Variants in GRIK1 observed in about 807,000 individuals in gnomAD.
GRIK1 encodes the protein glutamate receptor ionotropic, kainate 1.
In GRIK1, 69 loss-of-function variants were observed where a neutral mutation model predicts 105.7. The ratio of observed to expected loss-of-function variants is 0.65; its 90% confidence interval spans 0.54 to 0.80. The LOEUF (loss-of-function observed/expected upper bound fraction) is 0.80, where lower values mean the gene tolerates loss of function less well. GRIK1 is among the 30% of genes least tolerant of loss of function. GRIK1 has a pLI of 0.00. For synonymous variants in GRIK1, 438 were observed against 431.3 expected, an observed-to-expected ratio of 1.02 and a Z score of -0.19; for missense variants, 1,109 against 1,167.3, an observed-to-expected ratio of 0.95 and a Z score of 0.73.
chr21:29,591,051 G>C, intron 10 of GRIK1, 61 bp downstream of exon 10: 1 of 892,358 alleles, frequency 1.1e-6, no homozygotes, highest in South Asian at 1.3e-5. Context: ...GTTGAGGAAT[G>C]CTTCGAAGTC....
intron 3 of GRIK1, among the ~76,000 whole-genome samples, chr21:29,686,045 C>G (rs1178884284): frequency 6.6e-6 from 1 of 152,188 alleles, no homozygotes; most frequent in Admixed American, 6.5e-5. Flanking sequence ...GGCTTTCCCC[C>G]TCAGCCTATT....
chr21:29,617,242 G>T (rs768445252), intron 7 of GRIK1, among the ~76,000 whole-genome samples: 1 of 152,212 alleles, frequency 6.6e-6, no homozygotes, highest in Non-Finnish European at 1.5e-5. Context: ...GCCTTTTGGT[G>T]CAGAGAATGC....
Position 29,596,105 on chromosome 21 carries a change from T to C in GRIK1, c.1251+421A>G, listed in dbSNP as rs113081225. ...GACATTACAGGAGGTGTCCTAGCCT[T>C]CTGAGGCTGTAGCCTATCTGACTAG... is the stretch of plus-strand genomic sequence containing the variant. On this transcript the variant is annotated intron_variant, in intron 9 of 17. Coordinates refer to ENST00000327783, the MANE Select transcript of GRIK1 (RefSeq NM_001330994.2). 1.8e-3 allele frequency: 562 copies of C among 315,230 alleles called. 5 individuals carry two copies. The highest frequency in any genetic ancestry group is 0.011 in the African/African-American group (517 of 46,020). 19.5% of individuals were successfully genotyped at this position (315,230 alleles called of 1,614,324 possible).
chr21:29,742,507 A>T (rs1054998900), intron 1 of GRIK1, among the ~76,000 whole-genome samples: 2 of 152,216 alleles, frequency 1.3e-5, no homozygotes, highest in Non-Finnish European at 2.9e-5. Context: ...CTCCGTCTGA[A>T]CTCACGGAAC....
Position 29,654,832 on chromosome 21 carries a change from TA to T in GRIK1, c.757del (p.Tyr253IlefsTer23), listed in dbSNP as rs1272994275. On this transcript the variant is annotated frameshift_variant, in exon 5 of 18. Coordinates refer to ENST00000327783, the MANE Select transcript of GRIK1 (RefSeq NM_001330994.2). LOFTEE classifies it high-confidence loss of function. ...ILFMGMMTEY[Y>X]HYFFTTLDLF... Reference sequence around the variant, plus strand: ...TACCAGGGTTGTGAAAAAGTAGTGATAGTACTCGGTCATCATGCCCATGAAC... The same window carrying T: ...TACCAGGGTTGTGAAAAAGTAGTGATGTACTCGGTCATCATGCCCATGAAC... The T allele has an allele frequency of 8.2e-6, 13 of 1,585,836 alleles. No homozygotes were observed. Among genetic ancestry groups the T allele is most frequent in the Non-Finnish European group, 1.1e-5 (13 of 1,154,206 alleles).
At chr21:29,897,675 G>A (rs561816936) in intron 1 of GRIK1, among the ~76,000 whole-genome samples, 30 of 152,316 alleles carry the variant, frequency 2.0e-4, no homozygotes, top group African/African-American at 6.5e-4. Context: ...GAATTAATGT[G>A]ACATCTTAAA....
intron 1 of GRIK1, among the ~76,000 whole-genome samples, chr21:29,921,868 C>G (rs1406139329): frequency 6.6e-6 from 1 of 152,130 alleles, no homozygotes; most frequent in Non-Finnish European, 1.5e-5. Context: ...TGACAATACA[C>G]TTCTTGCATT....
chr21:29,883,452 A>C (rs1037619792), intron 1 of GRIK1, among the ~76,000 whole-genome samples: 1 of 152,112 alleles, frequency 6.6e-6, no homozygotes, highest in Non-Finnish European at 1.5e-5. Context: ...TTCAGGAAAG[A>C]AAGTCATAAC....
intron 4 of GRIK1, among the ~76,000 whole-genome samples, chr21:29,671,023 T>C (rs1379112684): frequency 6.6e-6 from 1 of 152,234 alleles, no homozygotes; most frequent in Non-Finnish European, 1.5e-5. Context: ...TGTATGACTC[T>C]GGCAATATCA....
chr21:29,783,290 C>A (rs1406955885), intron 1 of GRIK1, among the ~76,000 whole-genome samples: 2 of 152,026 alleles, frequency 1.3e-5, no homozygotes, highest in Admixed American at 6.5e-5. Context: ...AAAAATAGTA[C>A]CATTGATGTG....
chr21:29,931,645 T>A (rs1167820953), intron 1 of GRIK1, among the ~76,000 whole-genome samples: 1 of 152,174 alleles, frequency 6.6e-6, no homozygotes, highest in Non-Finnish European at 1.5e-5. Context: ...AATCATCTTA[T>A]GTATCTCCCT....
rs59241719 is a variant in GRIK1 at position 29,888,197 on chromosome 21, C to CTTTCTTTCTTCCTTTCTTTCTT, written c.118+51185_118+51186insAAGAAAGAAAGGAAGAAAGAAA. ...TCTTTCTTTCTTCCTTTCTTTCTTT[C>CTTTCTTTCTTCCTTTCTTTCTT]TCTCTCTCTCTCTCTCTCTCTCTCT... is the stretch of plus-strand genomic sequence containing the variant. On this transcript the variant is annotated intron_variant, in intron 1 of 17. Coordinates refer to ENST00000327783, the MANE Select transcript of GRIK1 (RefSeq NM_001330994.2). 5.8e-4 allele frequency among the ~76,000 whole-genome samples: 13 copies of CTTTCTTTCTTCCTTTCTTTCTT among 22,342 alleles called. 1 individual carries two copies. Among genetic ancestry groups the CTTTCTTTCTTCCTTTCTTTCTT allele is most frequent in the African/African-American group, 1.3e-3 (13 of 10,276 alleles). The allele number at this position is 22,342 out of a possible 152,430, so 14.7% of individuals were successfully genotyped here.
At chr21:29,838,790 A>T (rs1741342622) in intron 1 of GRIK1, among the ~76,000 whole-genome samples, 1 of 152,212 alleles carries the variant, frequency 6.6e-6, no homozygotes, top group African/African-American at 2.4e-5. Context: ...AGTTACAAAG[A>T]TCTAGCATGG....
chr21:29,685,587 C>G (rs971677442), intron 3 of GRIK1, among the ~76,000 whole-genome samples: 1 of 152,054 alleles, frequency 6.6e-6, no homozygotes, highest in Non-Finnish European at 1.5e-5. Flanking sequence ...ATGCAATATT[C>G]AATGCTTTTG....
chr21:29,588,624 T>C (rs545663853), intron 11 of GRIK1, among the ~76,000 whole-genome samples: 1 of 152,342 alleles, frequency 6.6e-6, no homozygotes, highest in South Asian at 2.1e-4. Flanking sequence ...TATAGCAGTG[T>C]AAAAACAAAC....
At chr21:29,796,837 T>A (rs2066571700) in intron 1 of GRIK1, among the ~76,000 whole-genome samples, 1 of 152,066 alleles carries the variant, frequency 6.6e-6, no homozygotes, top group Non-Finnish European at 1.5e-5. Flanking sequence ...TTATCCCAGC[T>A]ACTCGAGAAG....
chr21:29,897,022 T>G (rs1273156579), intron 1 of GRIK1, among the ~76,000 whole-genome samples: 1 of 152,164 alleles, frequency 6.6e-6, no homozygotes, highest in African/African-American at 2.4e-5. Context: ...AAACTCAAAT[T>G]TCCTTACAAT....
At chr21:29,892,427 G>A (rs2069936802) in intron 1 of GRIK1, among the ~76,000 whole-genome samples, 1 of 152,276 alleles carries the variant, frequency 6.6e-6, no homozygotes, top group East Asian at 1.9e-4. Context: ...AATTGGGAGA[G>A]GAATTTGAAA....
chr21:29,917,142 T>C (rs551736558), intron 1 of GRIK1, among the ~76,000 whole-genome samples: 3 of 152,122 alleles, frequency 2.0e-5, no homozygotes, highest in Admixed American at 6.6e-5. Flanking sequence ...CTAAATACTT[T>C]CCAAATGAAG....
Sources: gnomAD v4.1 joint callset for allele counts (sites outside exome capture counted in the v4.1 genomes callset) on GRCh38, gnomAD v4.1.1 for gene constraint, MANE v1.5 for transcripts, NCBI Gene and HGNC (gene_info 2026-07-23, HGNC 2026-07-21) for gene names.